The following FSHR variants were observed in gnomAD, a reference collection of about 807,000 sequenced individuals.
FSHR encodes the protein follicle stimulating hormone receptor, also known as follicle-stimulating hormone receptor.
Under a neutral mutation model 52.1 loss-of-function variants are expected in FSHR, and 46 were observed. The ratio of observed to expected loss-of-function variants is 0.88; its 90% CI spans 0.70 to 1.13. The LOEUF is 1.13. Ranked by LOEUF, FSHR falls within the 50% of genes most tolerant of loss-of-function variation. The probability of loss-of-function intolerance (pLI) is 0.00; values close to 1 mark genes in which losing one functional copy is unlikely to be tolerated. For missense variants in FSHR, 964 were observed against 834.6 expected (o/e 1.16, Z -1.91); for synonymous variants, 399 against 309.6 (o/e 1.29, Z -3.03).
chr2:48,977,673 T>TC (rs1559088414), intron 8 of FSHR, among the ~76,000 whole-genome samples: 1 of 152,214 alleles, frequency 6.6e-6, no homozygotes, highest in South Asian at 2.1e-4. Flanking sequence ...GGAGTAACAT[T>TC]CATCCCTTGG....
chr2:49,091,076 C>T (rs1024871422), intron 1 of FSHR, among the ~76,000 whole-genome samples: 1 of 150,948 alleles, frequency 6.6e-6, no homozygotes, highest in East Asian at 1.9e-4. Context: ...CCTTCATTCT[C>T]TTGATAGTAG....
chr2:48,995,657 G>A (rs1005588623), intron 4 of FSHR, among the ~76,000 whole-genome samples: 20 of 152,062 alleles, frequency 1.3e-4, no homozygotes, highest in African/African-American at 4.6e-4. Flanking sequence ...GAAGACTTGA[G>A]GGTTCCCTGA....
intron 1 of FSHR, among the ~76,000 whole-genome samples, chr2:49,145,435 T>C (rs373331329): frequency 1.1e-4 from 16 of 152,180 alleles, no homozygotes; most frequent in African/African-American, 3.4e-4. Flanking sequence ...AGTGGCCCTA[T>C]ATAGCCCCTG....
intron 1 of FSHR, among the ~76,000 whole-genome samples, chr2:49,091,626 C>A (rs1189124918): frequency 6.6e-6 from 1 of 152,124 alleles, no homozygotes; most frequent in Non-Finnish European, 1.5e-5. Flanking sequence ...ACATATGCTC[C>A]AGTGCTATTT....
chr2:49,045,611 C>A (rs887663783), intron 2 of FSHR, among the ~76,000 whole-genome samples: 2 of 152,164 alleles, frequency 1.3e-5, no homozygotes, highest in African/African-American at 4.8e-5. Context: ...AGGAAATTTT[C>A]TTTAAAAAAA....
chr2:49,054,413 A>G (rs1018171020), intron 2 of FSHR, among the ~76,000 whole-genome samples: 12 of 152,210 alleles, frequency 7.9e-5, no homozygotes, highest in South Asian at 4.1e-4. Context: ...ACGAACCCAC[A>G]TCAGCCAGTA....
At chr2:49,041,036 G>T (rs375488525) in intron 2 of FSHR, among the ~76,000 whole-genome samples, 3 of 152,184 alleles carry the variant, frequency 2.0e-5, no homozygotes, top group African/African-American at 7.2e-5. Context: ...AGAGTTTAAA[G>T]GCTTTGCATT....
At chr2:49,055,191 AAAG>A (rs1357355521) in intron 2 of FSHR, among the ~76,000 whole-genome samples, 1 of 151,998 alleles carries the variant, frequency 6.6e-6, no homozygotes, top group Non-Finnish European at 1.5e-5. Context: ...TATCACAAAA[AAAG>A]AGCCAAACAG....
At chr2:49,050,378 T>C (rs965019188) in intron 2 of FSHR, among the ~76,000 whole-genome samples, 18 of 152,180 alleles carry the variant, frequency 1.2e-4, no homozygotes, top group Admixed American at 1.2e-3. Flanking sequence ...TCTGTGACTA[T>C]AGGAGTAGAG....
intron 2 of FSHR, among the ~76,000 whole-genome samples, chr2:49,039,502 G>C (rs1193703012): frequency 6.6e-6 from 1 of 152,142 alleles, no homozygotes; most frequent in Admixed American, 6.5e-5. Flanking sequence ...TTTCCAAAAT[G>C]ATTAACAAAA....
intron 1 of FSHR, among the ~76,000 whole-genome samples, chr2:49,152,032 T>G (rs1458683916): frequency 6.6e-6 from 1 of 152,138 alleles, no homozygotes; most frequent in Non-Finnish European, 1.5e-5. Context: ...TCTAAGATGG[T>G]CCAAGTCAAG....
At chr2:48,974,310 T>G (rs1408977737) in intron 8 of FSHR, among the ~76,000 whole-genome samples, 1 of 152,186 alleles carries the variant, frequency 6.6e-6, no homozygotes. Flanking sequence ...TGTTTAGGTG[T>G]TAGATTGGGA....
At chr2:49,026,834 T>G (rs1193043143) in intron 2 of FSHR, among the ~76,000 whole-genome samples, 1 of 152,144 alleles carries the variant, frequency 6.6e-6, no homozygotes, top group Non-Finnish European at 1.5e-5. Context: ...TTGGTGTCCC[T>G]CAAGCTTTTC....
chr2:49,051,265 T>C (rs1051458906), intron 2 of FSHR, among the ~76,000 whole-genome samples: 9 of 152,116 alleles, frequency 5.9e-5, no homozygotes, highest in African/African-American at 2.2e-4. Flanking sequence ...ACTGACAAAC[T>C]GTTTACCAAA....
chr2:49,059,277 A>T (rs1025119557), intron 2 of FSHR, among the ~76,000 whole-genome samples: 1 of 152,154 alleles, frequency 6.6e-6, no homozygotes, highest in Non-Finnish European at 1.5e-5. Flanking sequence ...AAAAAAATTT[A>T]AATTTGTACG....
intron 4 of FSHR, among the ~76,000 whole-genome samples, chr2:48,994,223 G>C (rs1296526559): frequency 1.3e-5 from 2 of 152,042 alleles, no homozygotes; most frequent in East Asian, 1.9e-4. Context: ...ACGTTATTTG[G>C]GTAGCAACTT....
At chr2:49,054,428 A>T (rs901011233) in intron 2 of FSHR, among the ~76,000 whole-genome samples, 1 of 152,138 alleles carries the variant, frequency 6.6e-6, no homozygotes, top group African/African-American at 2.4e-5. Context: ...CCAGTAGGCC[A>T]TCCAACCATG....
rs572841623 is a variant in FSHR at position 49,068,134 on chromosome 2, T to C, written c.224+85A>G. The C allele has an allele frequency of 4.5e-5, 45 of 1,001,904 alleles. No individual in the cohort carries two copies. The African/African-American group carries it at 6.8e-4, about 15-fold the overall frequency. 62.1% of individuals were successfully genotyped at this position (1,001,904 alleles called of 1,614,324 possible). A position where few individuals can be genotyped will look rare whatever the true frequency, so the allele number is the denominator to read the frequency against. On this transcript the variant is annotated intron_variant, in intron 2 of 9. Coordinates refer to ENST00000406846, the MANE Select transcript of FSHR (RefSeq NM_000145.4). ...TGACCATGTCAGTTCGGCTACTAAG[T>C]GCAGATAGTCATACTAGATGTGGTC...
intron 8 of FSHR, among the ~76,000 whole-genome samples, chr2:48,969,715 G>C (rs1674651386): frequency 6.6e-6 from 1 of 152,232 alleles, no homozygotes; most frequent in African/African-American, 2.4e-5. Flanking sequence ...TGGTAGGAAA[G>C]TCTCTGCCTG....
Sources: gnomAD v4.1 joint callset for allele counts (sites outside exome capture counted in the v4.1 genomes callset) on GRCh38, gnomAD v4.1.1 for gene constraint, MANE v1.5 for transcripts, NCBI Gene and HGNC (gene_info 2026-07-23, HGNC 2026-07-21) for gene names.